DCC: variants seen among roughly 807,000 people sequenced by gnomAD.
DCC encodes netrin receptor DCC.
A neutral mutation model predicts 172.5 loss-of-function variants in DCC; 58 were observed. The observed-to-expected ratio is 0.34, with a 90% CI of 0.27 to 0.42. The LOEUF is 0.42. Ranked by LOEUF, DCC falls within the 10% of genes least tolerant of loss-of-function variation. The pLI is 1.00. For missense variants in DCC, 1,740 were observed against 1,791.0 expected (o/e 0.97, Z 0.51); for synonymous variants, 709 against 644.5 (o/e 1.10, Z -1.52).
At chr18:52,959,540 G>T (rs964493955) in intron 5 of DCC, among the ~76,000 whole-genome samples, 1 of 148,022 alleles carries the variant, frequency 6.8e-6, no homozygotes, top group Non-Finnish European at 1.5e-5. Context: ...ATAGTGTGAC[G>T]GGTTTGCTCC....
intron 3 of DCC, among the ~76,000 whole-genome samples, chr18:52,907,791 G>T (rs1310386129): frequency 6.6e-6 from 1 of 152,054 alleles, no homozygotes; most frequent in East Asian, 1.9e-4. Flanking sequence ...CTAGGAATCC[G>T]GCAGTGGCAA....
rs538349477 is a variant in DCC at position 52,841,790 on chromosome 18, T to G, written c.413-64254T>G. On this transcript the variant is annotated intron_variant, in intron 2 of 28. Coordinates refer to ENST00000442544, the MANE Select transcript of DCC (RefSeq NM_005215.4). ...ATCACTCGTTTCCATCTGAACAACA[T>G]TTTTGCCATTCCCCCCTCCTCCCAT... Among the ~76,000 whole-genome samples, 10 of 152,212 alleles carry G rather than the reference T, an allele frequency of 6.6e-5. No individual in the cohort carries two copies. In the East Asian group the frequency reaches 1.9e-3, roughly 29 times the overall value.
At chr18:52,595,132 G>C (rs1235645743) in intron 1 of DCC, among the ~76,000 whole-genome samples, 1 of 152,170 alleles carries the variant, frequency 6.6e-6, no homozygotes, top group Non-Finnish European at 1.5e-5. Context: ...TCACAAAAAA[G>C]TTATGGTCCT....
At chr18:52,510,735 A>G (rs1426816497) in intron 1 of DCC, among the ~76,000 whole-genome samples, 1 of 152,158 alleles carries the variant, frequency 6.6e-6, no homozygotes, top group Non-Finnish European at 1.5e-5. Context: ...AATGTACTCT[A>G]TTAGAAATAT....
chr18:53,199,934 G>T (rs1184891609), intron 9 of DCC, among the ~76,000 whole-genome samples: 3 of 152,136 alleles, frequency 2.0e-5, no homozygotes, highest in Non-Finnish European at 4.4e-5. Flanking sequence ...CAACGAAAGA[G>T]TTGAAGTAGA....
intron 5 of DCC, among the ~76,000 whole-genome samples, chr18:53,024,229 A>G (rs2041924597): frequency 6.6e-6 from 1 of 152,188 alleles, no homozygotes; most frequent in Non-Finnish European, 1.5e-5. Flanking sequence ...GTGTTAGATG[A>G]AAGATATGAT....
chr18:53,511,383 T>C (rs2046249663), intron 27 of DCC, among the ~76,000 whole-genome samples: 1 of 152,192 alleles, frequency 6.6e-6, no homozygotes, highest in African/African-American at 2.4e-5. Flanking sequence ...GGCTGGGACT[T>C]CTGGAGTCAG....
intron 14 of DCC, among the ~76,000 whole-genome samples, chr18:53,337,190 A>T (rs898018126): frequency 9.2e-5 from 14 of 152,272 alleles, no homozygotes; most frequent in Non-Finnish European, 4.4e-5. Flanking sequence ...CATTTTTAAC[A>T]GTTGAACAGT....
At chr18:52,669,001 C>T (rs2035504972) in intron 1 of DCC, among the ~76,000 whole-genome samples, 1 of 152,188 alleles carries the variant, frequency 6.6e-6, no homozygotes, top group African/African-American at 2.4e-5. Context: ...GCTGGCCGCA[C>T]TGGAGACCTG....
intron 1 of DCC, among the ~76,000 whole-genome samples, chr18:52,397,640 G>A (rs1394403669): frequency 2.0e-5 from 3 of 151,938 alleles, no homozygotes; most frequent in Admixed American, 6.6e-5. Context: ...TGACTCTTCC[G>A]AATCTGCCCA....
chr18:53,173,735 C>A (rs1377095807), intron 8 of DCC, among the ~76,000 whole-genome samples: 2 of 147,956 alleles, frequency 1.4e-5, no homozygotes, highest in Admixed American at 6.8e-5. Context: ...TAATGGGAGA[C>A]TTTAACACCC....
chr18:52,728,623 A>C (rs2036589714), intron 1 of DCC, among the ~76,000 whole-genome samples: 3 of 152,202 alleles, frequency 2.0e-5, no homozygotes, highest in Non-Finnish European at 2.9e-5. Context: ...GTGTATTGGC[A>C]GGCAGGTCAT....
chr18:52,345,178 A>C (rs1350504891), intron 1 of DCC, among the ~76,000 whole-genome samples: 1 of 152,214 alleles, frequency 6.6e-6, no homozygotes, highest in East Asian at 1.9e-4. Context: ...TATATACATA[A>C]ATTTCAAGAA....
chr18:53,260,710 A>T (rs958239639), intron 12 of DCC, among the ~76,000 whole-genome samples: 1 of 152,068 alleles, frequency 6.6e-6, no homozygotes, highest in African/African-American at 2.4e-5. Context: ...TGCTGGGAGA[A>T]CCACTACTCT....
intron 1 of DCC, chr18:52,419,500 T>C (rs1023466017): frequency 6.6e-6 from 1 of 152,194 alleles, no homozygotes; most frequent in African/African-American, 2.4e-5. Flanking sequence ...GCTACAGTCA[T>C]GTGTTTGAGA....
intron 8 of DCC, among the ~76,000 whole-genome samples, chr18:53,173,721 T>A (rs1438687531): frequency 0.014 from 2,052 of 148,584 alleles, 50 homozygotes; most frequent in African/African-American, 0.049. Flanking sequence ...CTCCCACACA[T>A]TAATAATGGG....
In DCC at chr18:52,794,018, G is replaced by T. The variant is rs185080050; in HGVS notation, c.412+41644G>T. Among the ~76,000 whole-genome samples, 266 of 152,138 alleles carry T rather than the reference G, an allele frequency of 1.7e-3. 1 individual carries two copies. The highest frequency in any genetic ancestry group is 6.8e-3 in the Middle Eastern group (2 of 294). On this transcript the variant is annotated intron_variant, in intron 2 of 28. Transcript: ENST00000442544. ...GTTTTATATTGTGCCATTGGTCTATGTGTTTTATTCTAATACCATACTGTT... is the reference window on the plus strand; with the variant it reads ...GTTTTATATTGTGCCATTGGTCTATTTGTTTTATTCTAATACCATACTGTT...
At chr18:53,486,728 C>G in intron 25 of DCC, 69 bp from the exon 26 acceptor site, 1 of 1,605,426 alleles carries the variant, frequency 6.2e-7, no homozygotes, top group Non-Finnish European at 8.5e-7. Flanking sequence ...AAAATTCCAC[C>G]GTTTTCTTTT....
At chr18:53,521,809 G>A (rs907907030) in intron 27 of DCC, among the ~76,000 whole-genome samples, 2 of 152,044 alleles carry the variant, frequency 1.3e-5, no homozygotes, top group Non-Finnish European at 1.5e-5. Context: ...AAAATAAATA[G>A]GTTTTATGAT....
Sources: gnomAD v4.1 joint callset for allele counts (sites outside exome capture counted in the v4.1 genomes callset) on GRCh38, gnomAD v4.1.1 for gene constraint, MANE v1.5 for transcripts, NCBI Gene and HGNC (gene_info 2026-07-23, HGNC 2026-07-21) for gene names.